ZFPM2: variants seen among roughly 807,000 people sequenced by gnomAD.
ZFPM2 encodes the protein zinc finger protein ZFPM2.
A neutral mutation model predicts 98.6 loss-of-function variants in ZFPM2; 20 were observed. The observed-to-expected ratio is 0.20, with a 90% confidence interval of 0.14 to 0.29. The LOEUF is 0.29. Ranked by LOEUF, ZFPM2 falls within the 10% of genes least tolerant of loss-of-function variation. The probability of loss-of-function intolerance (pLI) is 1.00; values close to 1 mark genes in which losing one functional copy is unlikely to be tolerated. For missense variants in ZFPM2, 1,310 were observed against 1,388.6 expected, an observed-to-expected ratio of 0.94 and a Z score of 0.90; for synonymous variants, 518 against 502.7, an observed-to-expected ratio of 1.03 and a Z score of -0.41.
At chr8:105,736,572 T>A (rs146157072) in intron 5 of ZFPM2, among the ~76,000 whole-genome samples, 1 of 152,186 alleles carries the variant, frequency 6.6e-6, no homozygotes, top group Non-Finnish European at 1.5e-5. Context: ...AGCATATTGA[T>A]AACTGTTCTG....
Position 105,668,291 on chromosome 8 carries a change from G to A in ZFPM2, c.532+33934G>A, listed in dbSNP as rs1817525555. On this transcript the variant is annotated intron_variant, in intron 5 of 7. Transcript: ENST00000407775. ...TAAAAAGGATTTTTAAACATGTGCT[G>A]GCCTAATTTTGGATGAAAGTGAAAT... 2.0e-5 allele frequency among the ~76,000 whole-genome samples: 3 copies of A among 152,228 alleles called. No individual in the cohort carries two copies. In the South Asian group the frequency reaches 6.2e-4, roughly 32 times the overall value.
At chr8:105,585,683 ATAT>A (rs1478750717) in intron 4 of ZFPM2, among the ~76,000 whole-genome samples, 2 of 152,104 alleles carry the variant, frequency 1.3e-5, no homozygotes, top group Non-Finnish European at 2.9e-5. Flanking sequence ...ATTAGCAATA[ATAT>A]TATTAGTTAT....
At chr8:105,788,414 G>A (rs1054851094) in intron 5 of ZFPM2, among the ~76,000 whole-genome samples, 1 of 152,174 alleles carries the variant, frequency 6.6e-6, no homozygotes, top group Admixed American at 6.5e-5. Flanking sequence ...CTACTGGTAA[G>A]GTTACTGATT....
At chr8:105,452,642 C>T (rs1235585953) in intron 3 of ZFPM2, among the ~76,000 whole-genome samples, 1 of 151,960 alleles carries the variant, frequency 6.6e-6, no homozygotes, top group African/African-American at 2.4e-5. Context: ...GTCCAAGCTA[C>T]TTGGGAGGCT....
Position 105,691,439 on chromosome 8 carries a change from G to A in ZFPM2, c.532+57082G>A, listed in dbSNP as rs573745539. On this transcript the variant is annotated intron_variant, in intron 5 of 7. Coordinates refer to ENST00000407775, the MANE Select transcript of ZFPM2 (RefSeq NM_012082.4). ...AATTTTTTGTATTTTTAGTAGAGACGGGGTTTCACCTTGTTAGCCAGGATG... is the reference window on the plus strand; with the variant it reads ...AATTTTTTGTATTTTTAGTAGAGACAGGGTTTCACCTTGTTAGCCAGGATG... Among the ~76,000 whole-genome samples, 15 of 142,534 alleles carry A rather than the reference G, an allele frequency of 1.1e-4. 4 individuals are homozygous for A. The highest frequency in any genetic ancestry group is 2.8e-4 in the Admixed American group (4 of 14,530). The allele number at this position is 142,534 out of a possible 152,430, so 93.5% of individuals were successfully genotyped here.
intron 3 of ZFPM2, among the ~76,000 whole-genome samples, chr8:105,526,215 G>A (rs972255789): frequency 4.0e-5 from 6 of 151,872 alleles, no homozygotes; most frequent in Middle Eastern, 3.4e-3. Context: ...ATGTCCTCCC[G>A]GCCTCTGCTC....
At chr8:105,351,860 T>C (rs1396542134) in intron 1 of ZFPM2, among the ~76,000 whole-genome samples, 7 of 152,184 alleles carry the variant, frequency 4.6e-5, no homozygotes, top group Admixed American at 4.6e-4. Context: ...AAAGCAAAAC[T>C]TTCGATATTT....
chr8:105,732,954 CT>C (rs1811977401), intron 5 of ZFPM2, among the ~76,000 whole-genome samples: 1 of 151,724 alleles, frequency 6.6e-6, no homozygotes, highest in Non-Finnish European at 1.5e-5. Flanking sequence ...TAAAGGCAGC[CT>C]TATAAAACAA....
chr8:105,568,273 G>A (rs1174749501), intron 4 of ZFPM2, among the ~76,000 whole-genome samples: 2 of 151,950 alleles, frequency 1.3e-5, no homozygotes, highest in Non-Finnish European at 2.9e-5. Flanking sequence ...GTTTATTCCT[G>A]TCTCCACAGA....
chr8:105,634,151 G>A (rs1816803018), intron 4 of ZFPM2, 95 bp from the exon 5 acceptor site: 1 of 910,088 alleles, frequency 1.1e-6, no homozygotes, highest in East Asian at 2.7e-5. Flanking sequence ...GGGAGATTTA[G>A]TTGTTTGTAA....
chr8:105,403,925 C>T (rs187884929), intron 1 of ZFPM2, among the ~76,000 whole-genome samples: 5 of 151,700 alleles, frequency 3.3e-5, no homozygotes, highest in East Asian at 1.9e-4. Context: ...GCATTGCAAA[C>T]GGAACAAAAT....
chr8:105,695,820 T>C (rs1811006082), intron 5 of ZFPM2, among the ~76,000 whole-genome samples: 1 of 152,230 alleles, frequency 6.6e-6, no homozygotes, highest in South Asian at 2.1e-4. Flanking sequence ...TAGTTAATTT[T>C]TCATTTTTTC....
intron 2 of ZFPM2, among the ~76,000 whole-genome samples, chr8:105,420,951 A>G (rs1162013996): frequency 6.6e-6 from 1 of 152,114 alleles, no homozygotes; most frequent in Non-Finnish European, 1.5e-5. Flanking sequence ...AAATTTTGGG[A>G]CGATCTCTGG....
intron 1 of ZFPM2, among the ~76,000 whole-genome samples, chr8:105,349,764 G>A (rs1017121973): frequency 3.9e-5 from 6 of 152,084 alleles, no homozygotes; most frequent in African/African-American, 1.4e-4. Context: ...TAACTACCAT[G>A]ATATATCACT....
chr8:105,490,401 A>T (rs753501885), intron 3 of ZFPM2, among the ~76,000 whole-genome samples: 1 of 152,174 alleles, frequency 6.6e-6, no homozygotes, highest in Non-Finnish European at 1.5e-5. Context: ...TAAATGCTAT[A>T]TGGAGTTATT....
intron 1 of ZFPM2, among the ~76,000 whole-genome samples, chr8:105,319,278 C>T (rs1438727730): frequency 6.6e-6 from 1 of 152,174 alleles, no homozygotes; most frequent in Non-Finnish European, 1.5e-5. Flanking sequence ...TGCGAGTCCC[C>T]GGCGCTGTCG....
chr8:105,543,900 G>C (rs1814634810), intron 3 of ZFPM2, among the ~76,000 whole-genome samples: 2 of 152,136 alleles, frequency 1.3e-5, no homozygotes, highest in African/African-American at 2.4e-5. Flanking sequence ...CATTAGTCAG[G>C]CATGCACACA....
At chr8:105,325,167 G>T (rs1184345378) in intron 1 of ZFPM2, among the ~76,000 whole-genome samples, 1 of 151,822 alleles carries the variant, frequency 6.6e-6, no homozygotes, top group Non-Finnish European at 1.5e-5. Context: ...CAAACGAATA[G>T]CAGCAAAAGT....
At chr8:105,690,954 A>G (rs373890701) in intron 5 of ZFPM2, 1 of 152,148 alleles carries the variant, frequency 6.6e-6, no homozygotes, top group South Asian at 2.1e-4. Flanking sequence ...AGTTTTATTA[A>G]TCTTTTGCCT....
Sources: allele counts gnomAD v4.1 joint callset (sites outside exome capture counted in the v4.1 genomes callset), GRCh38; gene constraint gnomAD v4.1.1; transcripts MANE v1.5; gene names NCBI Gene and HGNC (gene_info 2026-07-23, HGNC 2026-07-21).